The following CCDC91 variants were observed in gnomAD, a reference collection of about 807,000 sequenced individuals.
The protein encoded by CCDC91 is coiled-coil domain-containing protein 91.
CCDC91 carries 48 observed loss-of-function variants against 63.2 expected under a neutral mutation model. The observed-to-expected ratio is 0.76, with a 90% CI of 0.60 to 0.97. The LOEUF (loss-of-function observed/expected upper bound fraction) is 0.97. CCDC91 is among the 50% of genes least tolerant of loss of function. The pLI is 0.00. For synonymous variants in CCDC91, 167 were observed against 165.8 expected, an observed-to-expected ratio of 1.01 and a Z score of -0.06; for missense variants, 500 against 494.6, an observed-to-expected ratio of 1.01 and a Z score of -0.10.
At chr12:28,346,461 A>G (rs1942816905) in intron 6 of CCDC91, among the ~76,000 whole-genome samples, 1 of 152,218 alleles carries the variant, frequency 6.6e-6, no homozygotes. Flanking sequence ...AGTATAAAAT[A>G]GTGCTGGAGA....
intron 6 of CCDC91, among the ~76,000 whole-genome samples, chr12:28,320,215 C>T (rs529104225): frequency 6.6e-5 from 10 of 151,900 alleles, no homozygotes; most frequent in South Asian, 4.1e-4. Flanking sequence ...TGTTTATTTA[C>T]GGTTACTCCA....
chr12:28,403,481 G>C (rs2139559511), intron 8 of CCDC91, among the ~76,000 whole-genome samples: 2 of 152,224 alleles, frequency 1.3e-5, no homozygotes, highest in South Asian at 4.1e-4. Flanking sequence ...TCATGTGGCA[G>C]AAGAGATAAG....
At chr12:28,444,457 GA>G (rs1949395089) in intron 8 of CCDC91, among the ~76,000 whole-genome samples, 2 of 152,146 alleles carry the variant, frequency 1.3e-5, no homozygotes, top group South Asian at 4.1e-4. Flanking sequence ...AAGTCCCGCG[GA>G]GGTACTTCCT....
At chr12:28,253,224 C>T (rs11049486) in intron 1 of CCDC91, among the ~76,000 whole-genome samples, 85,591 of 151,966 alleles carry the variant, frequency 0.56, 24,168 homozygotes, top group East Asian at 0.61. Context: ...AGATTCATCA[C>T]TGAAGAATCT....
chr12:28,202,544 G>A (rs1345390413), intron 1 of CCDC91, among the ~76,000 whole-genome samples: 2 of 152,162 alleles, frequency 1.3e-5, no homozygotes, highest in African/African-American at 4.8e-5. Context: ...CGAATGATTG[G>A]ACAGTTATTT....
intron 1 of CCDC91, among the ~76,000 whole-genome samples, chr12:28,192,506 C>G (rs1164212960): frequency 2.6e-5 from 4 of 152,142 alleles, no homozygotes; most frequent in Non-Finnish European, 5.9e-5. Flanking sequence ...GAAAGTTTAT[C>G]AAATTTTCTT....
chr12:28,304,404 A>AG lies in CCDC91; in HGVS notation c.110-1245_110-1244insG, dbSNP rs1565764904. On this transcript the variant is annotated intron_variant, in intron 3 of 12. Coordinates refer to ENST00000536442, the MANE Select transcript of CCDC91 (RefSeq NM_018318.5). Reference sequence around the variant, plus strand: ...AAAAAAAAAAAAAAAAAAAAAAAGAAAAAAAAAAAAAGAAAAAAAGAAATG... The same window carrying AG: ...AAAAAAAAAAAAAAAAAAAAAAAGAAGAAAAAAAAAAAGAAAAAAAGAAATG... 9.8e-3 allele frequency among the ~76,000 whole-genome samples: 539 copies of AG among 55,104 alleles called. 1 individual carries two copies. Among genetic ancestry groups the AG allele is most frequent in the South Asian group, 0.02 (29 of 1,434 alleles). 36.2% of individuals were successfully genotyped at this position (55,104 alleles called of 152,430 possible).
chr12:28,508,335 T>A (rs1023845529), intron 12 of CCDC91, among the ~76,000 whole-genome samples: 5 of 151,830 alleles, frequency 3.3e-5, no homozygotes, highest in Non-Finnish European at 5.9e-5. Context: ...TCTGTTCTTT[T>A]TTCTGGACTC....
intron 7 of CCDC91, among the ~76,000 whole-genome samples, chr12:28,373,287 A>T (rs1489791634): frequency 6.6e-6 from 1 of 151,824 alleles, no homozygotes; most frequent in Non-Finnish European, 1.5e-5. Flanking sequence ...TAGTATTTTG[A>T]CTGTGATGTT....
At chr12:28,461,195 C>T (rs1418810007) in intron 11 of CCDC91, among the ~76,000 whole-genome samples, 5 of 151,976 alleles carry the variant, frequency 3.3e-5, no homozygotes, top group African/African-American at 1.2e-4. Flanking sequence ...ACAAAAATAT[C>T]ATCATATGGT....
intron 12 of CCDC91, among the ~76,000 whole-genome samples, chr12:28,502,049 G>A (rs1344058338): frequency 6.6e-6 from 1 of 151,972 alleles, no homozygotes; most frequent in East Asian, 1.9e-4. Context: ...GATTGGTGGT[G>A]ATATCCCCTT....
At chr12:28,521,648 G>A (rs1007667411) in intron 12 of CCDC91, among the ~76,000 whole-genome samples, 6 of 152,138 alleles carry the variant, frequency 3.9e-5, no homozygotes, top group African/African-American at 1.4e-4. Context: ...CCTGTCTTGT[G>A]CCAGTTTTCA....
chr12:28,473,032 C>G (rs908317196), intron 11 of CCDC91, among the ~76,000 whole-genome samples: 3 of 152,100 alleles, frequency 2.0e-5, no homozygotes, highest in Admixed American at 1.3e-4. Flanking sequence ...GTTCAAATGA[C>G]TACCCCATAG....
At chr12:28,242,319 T>G (rs1334595989) in intron 1 of CCDC91, among the ~76,000 whole-genome samples, 1 of 152,214 alleles carries the variant, frequency 6.6e-6, no homozygotes, top group Non-Finnish European at 1.5e-5. Flanking sequence ...CAGGTGCCCT[T>G]TTGGCGCTTG....
Position 28,413,855 on chromosome 12 carries a change from G to A in CCDC91, c.762+22444G>A, listed in dbSNP as rs374348381. ...TTAATTTTCCTGGACAGTAAACAAGGTTCAGGTTGCTTAGTGTTTACCAAT... is the reference window on the plus strand; with the variant it reads ...TTAATTTTCCTGGACAGTAAACAAGATTCAGGTTGCTTAGTGTTTACCAAT... On this transcript the variant is annotated intron_variant, in intron 8 of 12. Coordinates refer to ENST00000536442, the MANE Select transcript of CCDC91 (RefSeq NM_018318.5). Among the ~76,000 whole-genome samples, 21 of 152,302 alleles carry A rather than the reference G, an allele frequency of 1.4e-4. 1 individual carries two copies. Among genetic ancestry groups the A allele is most frequent in the African/African-American group, 5.1e-4 (21 of 41,576 alleles).
rs1378669945 is a variant in CCDC91, at chr12:28,362,418, T to A, written c.577-20T>A. On this transcript the variant is annotated intron_variant, in intron 6 of 12. Coordinates refer to ENST00000536442, the MANE Select transcript of CCDC91 (RefSeq NM_018318.5). The stretch of plus-strand genomic sequence containing the variant: ...AAAACAGAAGAAAAACTCATGGTTT[T>A]AGTTTCTTTTTTCTTTCAGGAAAAA... 2.2e-5 allele frequency: 34 copies of A among 1,520,340 alleles called. No individual in the cohort carries two copies. Among genetic ancestry groups the A allele is most frequent in the Non-Finnish European group, 2.9e-5 (33 of 1,122,762 alleles). 94.2% of individuals were successfully genotyped at this position (1,520,340 alleles called of 1,614,324 possible). A position where few individuals can be genotyped will look rare whatever the true frequency, so the allele number is the denominator to read the frequency against.
chr12:28,521,703 G>T (rs1383479447), intron 12 of CCDC91, among the ~76,000 whole-genome samples: 1 of 152,176 alleles, frequency 6.6e-6, no homozygotes, highest in African/African-American at 2.4e-5. Flanking sequence ...GATATTGGCT[G>T]TGGGTTTGTC....
chr12:28,458,447 T>C lies in CCDC91; in HGVS notation c.1101+5793T>C, dbSNP rs1024948306. 3.5e-5 allele frequency among the ~76,000 whole-genome samples: 5 copies of C among 143,818 alleles called. No homozygotes were observed. In the Admixed American group the frequency reaches 3.5e-4, roughly 10 times the overall value. 94.4% of individuals were successfully genotyped at this position (143,818 alleles called of 152,430 possible). A position where few individuals can be genotyped will look rare whatever the true frequency, so the allele number is the denominator to read the frequency against. ...CCTAGATTTTCCCTTTTGTCCTCAT[T>C]TGCACACCTTTTTTTTTTTTTTTTT... On this transcript the variant is annotated intron_variant, in intron 11 of 12. Transcript: ENST00000536442.
chr12:28,271,250 T>A (rs1947750326), intron 3 of CCDC91, among the ~76,000 whole-genome samples: 1 of 152,172 alleles, frequency 6.6e-6, no homozygotes, highest in Admixed American at 6.6e-5. Context: ...TGTTAACTTT[T>A]GGCAATGTAG....
Sources: gnomAD v4.1 joint callset for allele counts (sites outside exome capture counted in the v4.1 genomes callset) on GRCh38, gnomAD v4.1.1 for gene constraint, MANE v1.5 for transcripts, NCBI Gene and HGNC (gene_info 2026-07-23, HGNC 2026-07-21) for gene names.